KCNH5: variants seen among roughly 807,000 people sequenced by gnomAD.
The protein encoded by KCNH5 is potassium voltage-gated channel subfamily H member 5.
Under a neutral mutation model 96.1 loss-of-function variants are expected in KCNH5, and 46 were observed. The ratio of observed to expected loss-of-function variants is 0.48; its 90% CI spans 0.38 to 0.61. The LOEUF (loss-of-function observed/expected upper bound fraction) is 0.61. Among genes scored for constraint, KCNH5 ranks in the 20% least tolerant of loss-of-function variants. The pLI, the probability that KCNH5 is intolerant of heterozygous loss-of-function variation, is 0.00. For missense variants in KCNH5, 907 were observed against 1,225.8 expected (o/e 0.74, Z 3.88); for synonymous variants, 439 against 449.8 (o/e 0.98, Z 0.30).
At chr14:62,886,699 G>A (rs114097792) in intron 7 of KCNH5, among the ~76,000 whole-genome samples, 2,292 of 152,168 alleles carry the variant, frequency 0.015, 58 homozygotes, top group African/African-American at 0.052. Context: ...CTGTCAACAC[G>A]GGCATTATTC....
chr14:62,774,008 T>C (rs1262313774), intron 10 of KCNH5, among the ~76,000 whole-genome samples: 2 of 152,198 alleles, frequency 1.3e-5, no homozygotes, highest in African/African-American at 2.4e-5. Flanking sequence ...CTCAAGTCCA[T>C]ACCAAGGTCA....
intron 6 of KCNH5, among the ~76,000 whole-genome samples, chr14:62,966,385 C>G (rs1385658586): frequency 6.6e-6 from 1 of 152,168 alleles, no homozygotes; most frequent in Non-Finnish European, 1.5e-5. Context: ...GTGTAGCAGT[C>G]CAAAGAGCTA....
At chr14:62,715,391 T>G (rs1884662250) in intron 10 of KCNH5, among the ~76,000 whole-genome samples, 1 of 152,172 alleles carries the variant, frequency 6.6e-6, no homozygotes, top group Non-Finnish European at 1.5e-5. Flanking sequence ...TCTCCTGGGA[T>G]TTAGTTGGTT....
intron 5 of KCNH5, among the ~76,000 whole-genome samples, chr14:62,982,171 A>G (rs1019945814): frequency 1.3e-5 from 2 of 152,208 alleles, no homozygotes; most frequent in African/African-American, 4.8e-5. Flanking sequence ...TCTACTAAAA[A>G]TACAAATATT....
chr14:62,776,159 C>G (rs1385551222), intron 10 of KCNH5, among the ~76,000 whole-genome samples: 1 of 152,052 alleles, frequency 6.6e-6, no homozygotes, highest in Non-Finnish European at 1.5e-5. Flanking sequence ...TCCTGCTACT[C>G]TGTAGGCTAA....
At chr14:62,714,410 G>A (rs1884639974) in intron 10 of KCNH5, among the ~76,000 whole-genome samples, 2 of 152,066 alleles carry the variant, frequency 1.3e-5, no homozygotes, top group African/African-American at 4.8e-5. Flanking sequence ...CTTTAAAATG[G>A]TGTGTTTTTA....
chr14:62,750,560 T>G (rs1222779994), intron 10 of KCNH5, among the ~76,000 whole-genome samples: 1 of 152,198 alleles, frequency 6.6e-6, no homozygotes, highest in Non-Finnish European at 1.5e-5. Context: ...TTAGCCACAT[T>G]AGAGTCTCCT....
chr14:62,788,517 T>A (rs1369369436), intron 9 of KCNH5, among the ~76,000 whole-genome samples: 2 of 152,224 alleles, frequency 1.3e-5, no homozygotes, highest in African/African-American at 4.8e-5. Flanking sequence ...TTCAGAGGAC[T>A]GACTCCAATT....
chr14:62,745,694 T>A (rs1342308388), intron 10 of KCNH5, among the ~76,000 whole-genome samples: 1 of 152,158 alleles, frequency 6.6e-6, no homozygotes, highest in East Asian at 1.9e-4. Flanking sequence ...TCTCCCCTTT[T>A]GAAGCCATCC....
At chr14:62,750,488 C>T (rs1234053493) in intron 10 of KCNH5, among the ~76,000 whole-genome samples, 1 of 152,200 alleles carries the variant, frequency 6.6e-6, no homozygotes, top group East Asian at 1.9e-4. Flanking sequence ...AACCTGCCGA[C>T]AAGTCCAACT....
At chr14:62,738,069 A>G (rs1040693959) in intron 10 of KCNH5, among the ~76,000 whole-genome samples, 1 of 152,142 alleles carries the variant, frequency 6.6e-6, no homozygotes, top group Non-Finnish European at 1.5e-5. Flanking sequence ...CCACTCTTGC[A>G]CTTTGGGGCC....
chr14:62,729,081 T>C lies in KCNH5; in HGVS notation c.2020-20626A>G, dbSNP rs565401428. Among the ~76,000 whole-genome samples the C allele has an allele frequency of 5.9e-5, 9 of 152,316 alleles. No homozygotes were observed. In the East Asian group the frequency reaches 9.7e-4, roughly 16 times the overall value. ...CATGAGTGCATTCACTATGTTTTCT[T>C]TTTCCCAAGGCTATGTAACCCCCAC... On this transcript the variant is annotated intron_variant, in intron 10 of 10. Coordinates refer to ENST00000322893, the MANE Select transcript of KCNH5 (RefSeq NM_139318.5).
chr14:62,803,023 T>G (rs1318049197), intron 8 of KCNH5, among the ~76,000 whole-genome samples: 3 of 152,134 alleles, frequency 2.0e-5, no homozygotes. Flanking sequence ...TGGTGGTGCA[T>G]GCCTGTAGTT....
intron 10 of KCNH5, among the ~76,000 whole-genome samples, chr14:62,754,407 AAATG>A (rs1885573135): frequency 6.6e-6 from 1 of 152,170 alleles, no homozygotes; most frequent in South Asian, 2.1e-4. Context: ...ATACAACATT[AAATG>A]TACATGGAAT....
intron 6 of KCNH5, among the ~76,000 whole-genome samples, chr14:62,961,154 T>C (rs1311202686): frequency 6.6e-6 from 1 of 152,082 alleles, no homozygotes; most frequent in African/African-American, 2.4e-5. Context: ...ATGCTTTAAA[T>C]CCTTCTTCAA....
At chr14:62,717,872 T>C (rs951366939) in intron 10 of KCNH5, among the ~76,000 whole-genome samples, 17 of 152,134 alleles carry the variant, frequency 1.1e-4, no homozygotes, top group Non-Finnish European at 1.8e-4. Flanking sequence ...TTAGAGAAAA[T>C]GTTTGCAAAT....
At chr14:62,845,657 G>C (rs890563026) in intron 8 of KCNH5, among the ~76,000 whole-genome samples, 1 of 152,208 alleles carries the variant, frequency 6.6e-6, no homozygotes, top group Non-Finnish European at 1.5e-5. Context: ...CGGAGGTAGA[G>C]CCAAAAGGAT....
chr14:63,014,016 C>A lies in KCNH5; in HGVS notation c.197+2815G>T, dbSNP rs138385559. On this transcript the variant is annotated intron_variant, in intron 2 of 10. Transcript: ENST00000322893. The stretch of plus-strand genomic sequence containing the variant: ...CAGATATTTGTTCATATATCAGATG[C>A]TAGTCTTCATTGTTCTGTGAGGGCA... 2.2e-3 allele frequency among the ~76,000 whole-genome samples: 334 copies of A among 152,224 alleles called. 3 individuals carry two copies. Among genetic ancestry groups the A allele is most frequent in the Non-Finnish European group, 3.4e-3 (231 of 67,992 alleles).
At chr14:62,867,280 T>C (rs1427696798) in intron 7 of KCNH5, among the ~76,000 whole-genome samples, 2 of 152,178 alleles carry the variant, frequency 1.3e-5, no homozygotes, top group African/African-American at 4.8e-5. Flanking sequence ...GTCAGGCGGA[T>C]TGGCTAAAAC....
Sources: allele counts gnomAD v4.1 joint callset (sites outside exome capture counted in the v4.1 genomes callset), GRCh38; gene constraint gnomAD v4.1.1; transcripts MANE v1.5; gene names NCBI Gene and HGNC (gene_info 2026-07-23, HGNC 2026-07-21).